The following ZFR2 variants were observed in gnomAD, a reference collection of about 807,000 sequenced individuals.
ZFR2 encodes zinc finger RNA-binding protein 2.
Under a neutral mutation model 105.7 loss-of-function variants are expected in ZFR2, and 104 were observed. The ratio of observed to expected loss-of-function variants is 0.98; its 90% CI spans 0.84 to 1.16. The LOEUF (loss-of-function observed/expected upper bound fraction) is 1.16, where lower values mean the gene tolerates loss of function less well. Ranked by LOEUF, ZFR2 falls within the 50% of genes most tolerant of loss-of-function variation. ZFR2 has a pLI of 0.00. For missense variants in ZFR2, 1,425 were observed against 1,355.5 expected (o/e 1.05, Z -0.80); for synonymous variants, 634 against 597.7 (o/e 1.06, Z -0.89).
In ZFR2 at chr19:3,820,214, T is replaced by A; in HGVS notation, c.1708A>T (p.Arg570Trp). ...PDWAQPLLMG[R>W]PESPASAPLQ... The stretch of plus-strand genomic sequence containing the variant: ...GGGGCGCTGGCGGGTGACTCCGGCC[T>A]GCCCATGAGCAGAGGCTGGGCCCAG... The change falls in exon 11 of 19, where the codon AGG becomes TGG. Residue 570 changes from arginine to tryptophan, a missense_variant. Transcript: ENST00000262961. 2 of 1,552,392 alleles carry A rather than the reference T, an allele frequency of 1.3e-6. No individual in the cohort carries two copies. Among genetic ancestry groups the A allele is most frequent in the African/African-American group, 1.4e-5 (1 of 73,254 alleles).
Position 3,858,713 on chromosome 19 carries a change from G to A in ZFR2, c.53+10252C>T, listed in dbSNP as rs1355459706. ...CATGCCTGAAATCCCAGCTACTTGGGAGGCTGAGGCAGGAGAATCACTTGA... is the reference window on the plus strand; with the variant it reads ...CATGCCTGAAATCCCAGCTACTTGGAAGGCTGAGGCAGGAGAATCACTTGA... On this transcript the variant is annotated intron_variant, in intron 1 of 18. Transcript: ENST00000262961. The surrounding 1 kb of genome is among the most constrained non-coding windows in gnomAD (Gnocchi z 4.3). Among the ~76,000 whole-genome samples, 1 of 152,198 alleles carries A rather than the reference G, an allele frequency of 6.6e-6. No homozygotes were observed. The highest frequency in any genetic ancestry group is 1.5e-5 in the Non-Finnish European group (1 of 68,032).
Position 3,808,769 on chromosome 19 carries a change from A to G in ZFR2, c.2545+103T>C, listed in dbSNP as rs888441831. Reference sequence around the variant, plus strand: ...GGCCGCACTCCTGCCTGGGCTGGACACTTCCTCTGTGTCTGTGACCCCAGC... The same window carrying G: ...GGCCGCACTCCTGCCTGGGCTGGACGCTTCCTCTGTGTCTGTGACCCCAGC... On this transcript the variant is annotated intron_variant, in intron 17 of 18. Transcript: ENST00000262961. The G allele has an allele frequency of 2.6e-5, 26 of 985,906 alleles. No individual in the cohort carries two copies. The African/African-American group carries it at 4.2e-4, about 16-fold the overall frequency. The allele number at this position is 985,906 out of a possible 1,614,324, so 61.1% of individuals were successfully genotyped here.
At position 3,807,219 on chromosome 19, in the gene ZFR2, C is replaced by G. The variant is rs200032828; in HGVS notation, c.2596G>C (p.Glu866Gln). Reference protein sequence around the residue: ...PCERDQTDALEPMTLQEREDV... With the variant: ...PCERDQTDALQPMTLQEREDV... ...TCCCGCTCTTGGAGGGTCATGGGCT[C>G]GAGGGCATCTGTCTGGTCTCTCTCG... is the stretch of plus-strand genomic sequence containing the variant. The change falls in exon 18 of 19, where the codon GAG becomes CAG. Residue 866 changes from glutamate to glutamine, a missense_variant. Coordinates refer to ENST00000262961, the MANE Select transcript of ZFR2 (RefSeq NM_015174.2). 1.9e-6 allele frequency: 3 copies of G among 1,560,870 alleles called. No individual in the cohort carries two copies. The highest frequency in any genetic ancestry group is 2.7e-5 in the African/African-American group (2 of 73,558).
intron 14 of ZFR2, 26 bp from the exon 15 acceptor site, chr19:3,811,392 T>C (rs1156255554): frequency 1.3e-6 from 2 of 1,553,834 alleles, no homozygotes; most frequent in South Asian, 1.2e-5. Context: ...CCTCGAGGTG[T>C]GCGGGGAAGG....
Position 3,811,348 on chromosome 19 carries a change from G to A in ZFR2, c.2261C>T (p.Ala754Val), listed in dbSNP as rs201966548. 187 of 1,598,918 alleles carry A rather than the reference G, an allele frequency of 1.2e-4. No individual in the cohort carries two copies. Among genetic ancestry groups the A allele is most frequent in the Non-Finnish European group, 1.5e-4 (173 of 1,173,738 alleles). Residue 754 changes from alanine (A) to valine (V), a missense_variant, in exon 15 of 19, where the codon GCT becomes GTT. Physicochemically the swap from Ala to Val is moderately conservative, Grantham distance 64. Coordinates refer to ENST00000262961, the MANE Select transcript of ZFR2 (RefSeq NM_015174.2). ...STDPGVEEPQ[A>V]DAGDVLSPKK... Reference sequence around the variant, plus strand: ...GGGGCTCAGGACATCACCTGCATCAGCCTGAGGCTCCTCCACACCTTCTAG... The same window carrying A: ...GGGGCTCAGGACATCACCTGCATCAACCTGAGGCTCCTCCACACCTTCTAG...
rs377325411 is a variant in ZFR2 at position 3,866,573 on chromosome 19, T to G, written c.53+2392A>C. Among the ~76,000 whole-genome samples, 44 of 152,308 alleles carry G rather than the reference T, an allele frequency of 2.9e-4. No homozygotes were observed. In the East Asian group the frequency reaches 8.1e-3, roughly 28 times the overall value. ...CTACTGAAGCTTAGCAATCACCTAT[T>G]TGAACAACATAAACATTCAATTTCT... On this transcript the variant is annotated intron_variant, in intron 1 of 18. Coordinates refer to ENST00000262961, the MANE Select transcript of ZFR2 (RefSeq NM_015174.2).
intron 1 of ZFR2, among the ~76,000 whole-genome samples, chr19:3,860,795 G>A (rs759461678): frequency 1.3e-5 from 2 of 152,164 alleles, no homozygotes; most frequent in African/African-American, 2.4e-5. Context: ...TCAGGAACAA[G>A]GAGGGGTCAT....
intron 1 of ZFR2, among the ~76,000 whole-genome samples, chr19:3,848,857 G>T (rs1216556568): frequency 6.6e-6 from 1 of 151,440 alleles, no homozygotes; most frequent in African/African-American, 2.4e-5. Flanking sequence ...AGCCAGGTGT[G>T]GTGGCGGGCA....
intron 1 of ZFR2, among the ~76,000 whole-genome samples, chr19:3,841,958 C>T (rs2038136852): frequency 6.6e-6 from 1 of 151,934 alleles, no homozygotes; most frequent in Non-Finnish European, 1.5e-5. Flanking sequence ...GGCCAAAATC[C>T]ATAATACTCT....
Position 3,843,845 on chromosome 19 carries a change from AAAG to A in ZFR2, c.54-8865_54-8863del, listed in dbSNP as rs1242647063. On this transcript the variant is annotated intron_variant, in intron 1 of 18. Transcript: ENST00000262961. Reference sequence around the variant, plus strand: ...GCAAGACTCTGTCTCAAAAAACAAAAAAGAAAGAAAGAAAAAAAACAAGTCCTG... The same window carrying A: ...GCAAGACTCTGTCTCAAAAAACAAAAAAAGAAAGAAAAAAAACAAGTCCTG... 8.6e-5 allele frequency among the ~76,000 whole-genome samples: 13 copies of A among 151,938 alleles called. No homozygotes were observed. In the East Asian group the frequency reaches 1.7e-3, roughly 20 times the overall value.
In ZFR2 at chr19:3,839,843, T is replaced by C. The variant is rs76831107; in HGVS notation, c.54-4860A>G. Among the ~76,000 whole-genome samples the C allele has an allele frequency of 4.7e-3, 713 of 152,252 alleles. 3 individuals carry two copies. Among genetic ancestry groups the C allele is most frequent in the Non-Finnish European group, 6.7e-3 (459 of 68,030 alleles). ...ATTCTTAGACTTTTAACTACATATG[T>C]ATGAAGGTTTTGTTTGTTTGTTTCA... On this transcript the variant is annotated intron_variant, in intron 1 of 18. Transcript: ENST00000262961.
chr19:3,827,493 A>C lies in ZFR2; in HGVS notation c.1013T>G (p.Ile338Ser). The C allele has an allele frequency of 1.9e-6, 3 of 1,552,482 alleles. No homozygotes were observed. The highest frequency in any genetic ancestry group is 1.7e-6 in the Non-Finnish European group (2 of 1,148,798). The stretch of plus-strand genomic sequence containing the variant: ...TACCTTCTGGTGCTTGGATCCCCGG[A>C]TGTGGGCCGCGTAGGCGTCCGCCCC... ...CTGADAYAAH[I>S]RGSKHQKVFK... is the part of the protein sequence containing the mutation. Residue 338 changes from isoleucine (I) to serine (S), a missense_variant, in exon 6 of 19, where the codon ATC (isoleucine) becomes AGC (serine). By Grantham distance (142) the Ile-to-Ser change is moderately radical. Transcript: ENST00000262961.
rs1052585728 is a variant in ZFR2 at position 3,850,915 on chromosome 19, AAAAAAAAAG to A, written c.54-15941_54-15933del. Among the ~76,000 whole-genome samples, 5 of 128,462 alleles carry A rather than the reference AAAAAAAAAG, an allele frequency of 3.9e-5. No homozygotes were observed. In the East Asian group the frequency reaches 9.4e-4, roughly 24 times the overall value. The allele number at this position is 128,462 out of a possible 152,430, so 84.3% of individuals were successfully genotyped here. A position where few individuals can be genotyped will look rare whatever the true frequency, so the allele number is the denominator to read the frequency against. ...GCAGTCTTTTCAAAAAAAAAAAAAA[AAAAAAAAAG>A]AGACACCAGCAGTGCACATGGACAG... On this transcript the variant is annotated intron_variant, in intron 1 of 18. Transcript: ENST00000262961.
At chr19:3,853,839 C>T (rs969074549) in intron 1 of ZFR2, among the ~76,000 whole-genome samples, 1 of 151,110 alleles carries the variant, frequency 6.6e-6, no homozygotes, top group African/African-American at 2.4e-5. Context: ...GAGGCCAAGG[C>T]AGGAGGATAG....
intron 5 of ZFR2, among the ~76,000 whole-genome samples, chr19:3,828,839 C>T (rs1028549737): frequency 6.6e-6 from 1 of 152,178 alleles, no homozygotes; most frequent in Non-Finnish European, 1.5e-5. Flanking sequence ...ACTGCCCCGT[C>T]ACCTGCAGGC....
chr19:3,860,779 G>A (rs971246811), intron 1 of ZFR2, among the ~76,000 whole-genome samples: 3 of 152,122 alleles, frequency 2.0e-5, no homozygotes, highest in African/African-American at 7.2e-5. Context: ...CAAACTGGCC[G>A]ACATCTCAGG....
At chr19:3,842,081 T>C (rs1243931006) in intron 1 of ZFR2, among the ~76,000 whole-genome samples, 1 of 151,714 alleles carries the variant, frequency 6.6e-6, no homozygotes, top group Non-Finnish European at 1.5e-5. Context: ...GGCATGATCA[T>C]ACCTCACTGC....
intron 6 of ZFR2, among the ~76,000 whole-genome samples, chr19:3,827,195 T>C (rs898809785): frequency 1.3e-5 from 2 of 152,162 alleles, no homozygotes; most frequent in African/African-American, 4.8e-5. Flanking sequence ...TGAGCCGAGA[T>C]TGTGCCCCTG....
chr19:3,860,259 G>A (rs1425228578), intron 1 of ZFR2, among the ~76,000 whole-genome samples: 2 of 148,134 alleles, frequency 1.4e-5, no homozygotes, highest in Non-Finnish European at 3.0e-5. Flanking sequence ...GGCTGGTCTC[G>A]AACTCCTGGG....
Sources: allele counts gnomAD v4.1 joint callset (sites outside exome capture counted in the v4.1 genomes callset), GRCh38; gene constraint gnomAD v4.1.1; non-coding constraint Gnocchi (gnomAD v3.1); transcripts MANE v1.5; gene names NCBI Gene and HGNC (gene_info 2026-07-23, HGNC 2026-07-21).